Variants in PLEKHH2 observed in about 807,000 individuals in gnomAD.
PLEKHH2 encodes the protein pleckstrin homology domain-containing family H member 2.
A neutral mutation model predicts 187.9 loss-of-function variants in PLEKHH2; 129 were observed. The observed-to-expected ratio is 0.69, with a 90% CI of 0.59 to 0.79. The LOEUF (loss-of-function observed/expected upper bound fraction) is 0.79. PLEKHH2 is among the 30% of genes least tolerant of loss of function. PLEKHH2 has a pLI of 0.00. For missense variants in PLEKHH2, 2,076 were observed against 1,751.2 expected, an observed-to-expected ratio of 1.19 and a Z score of -3.31; for synonymous variants, 686 against 605.6, an observed-to-expected ratio of 1.13 and a Z score of -1.95.
intron 1 of PLEKHH2, among the ~76,000 whole-genome samples, chr2:43,640,321 C>T (rs1382912969): frequency 6.6e-6 from 1 of 151,790 alleles, no homozygotes; most frequent in Non-Finnish European, 1.5e-5. Flanking sequence ...TCCCGAGTAG[C>T]TGGGACCACA....
chr2:43,715,580 G>A (rs987302243), intron 15 of PLEKHH2, among the ~76,000 whole-genome samples: 3 of 152,200 alleles, frequency 2.0e-5, no homozygotes, highest in African/African-American at 7.2e-5. Flanking sequence ...CTCTGAAGGG[G>A]TTACAGGAAA....
chr2:43,741,069 C>G, intron 21 of PLEKHH2, 26 bp downstream of exon 21: 2 of 1,572,966 alleles, frequency 1.3e-6, no homozygotes, highest in Non-Finnish European at 1.7e-6. Context: ...GCCAGCTGAA[C>G]TGTTTATGTG....
At chr2:43,739,070 T>A (rs1227247612) in intron 20 of PLEKHH2, among the ~76,000 whole-genome samples, 1 of 152,164 alleles carries the variant, frequency 6.6e-6, no homozygotes, top group Non-Finnish European at 1.5e-5. Flanking sequence ...TTTGCATTTT[T>A]AGCAGAGATG....
chr2:43,709,954 T>G (rs116524206), intron 11 of PLEKHH2, 36 bp from the exon 12 acceptor site: 34,500 of 1,575,694 alleles, frequency 0.022, 467 homozygotes, highest in Non-Finnish European at 0.026. Flanking sequence ...TCCCCAGTAT[T>G]AAATACTGAC....
At chr2:43,682,499 G>A (rs894090760) in intron 3 of PLEKHH2, among the ~76,000 whole-genome samples, 2 of 152,042 alleles carry the variant, frequency 1.3e-5, no homozygotes, top group African/African-American at 2.4e-5. Context: ...GAGAGATGGG[G>A]TTTCACCATG....
At chr2:43,756,332 G>C (rs557099825) in intron 25 of PLEKHH2, among the ~76,000 whole-genome samples, 1 of 151,786 alleles carries the variant, frequency 6.6e-6, no homozygotes, top group Admixed American at 6.6e-5. Flanking sequence ...GTCTTGCTCT[G>C]TCACCCAGGC....
intron 19 of PLEKHH2, among the ~76,000 whole-genome samples, chr2:43,737,383 A>G (rs1572642441): frequency 1.3e-5 from 2 of 152,366 alleles, no homozygotes; most frequent in Middle Eastern, 3.4e-3. Flanking sequence ...GTGATGGTAG[A>G]TAAGGACATT....
At chr2:43,754,203 C>CAA (rs1472842755) in intron 25 of PLEKHH2, among the ~76,000 whole-genome samples, 6 of 142,738 alleles carry the variant, frequency 4.2e-5, no homozygotes, top group African/African-American at 1.7e-4. Flanking sequence ...CACACACACA[C>CAA]ACAAAATTAA....
chr2:43,645,474 C>T (rs1476916081), intron 2 of PLEKHH2, among the ~76,000 whole-genome samples: 1 of 152,080 alleles, frequency 6.6e-6, no homozygotes, highest in African/African-American at 2.4e-5. Flanking sequence ...AACTTGAATT[C>T]TAGACCTCTG....
intron 20 of PLEKHH2, 188 bp from the exon 21 acceptor site, chr2:43,740,758 T>G: frequency 9.3e-7 from 1 of 1,077,978 alleles, no homozygotes; most frequent in Non-Finnish European, 1.2e-6. Context: ...AGATGGATCA[T>G]AGATCTGACC....
At chr2:43,673,646 T>C (rs539792249) in intron 2 of PLEKHH2, among the ~76,000 whole-genome samples, 1 of 152,348 alleles carries the variant, frequency 6.6e-6, no homozygotes, top group African/African-American at 2.4e-5. Flanking sequence ...TAACTATTCA[T>C]TGAACACCTG....
At chr2:43,639,955 C>A (rs374151758) in intron 1 of PLEKHH2, among the ~76,000 whole-genome samples, 2 of 152,132 alleles carry the variant, frequency 1.3e-5, no homozygotes, top group Non-Finnish European at 1.5e-5. Flanking sequence ...CTGCACCCAG[C>A]CAGATCTACT....
chr2:43,743,147 T>A (rs1671646197), intron 22 of PLEKHH2, among the ~76,000 whole-genome samples: 1 of 152,244 alleles, frequency 6.6e-6, no homozygotes, highest in Non-Finnish European at 1.5e-5. Context: ...TCACTGCCAT[T>A]ATGATTCTGA....
intron 4 of PLEKHH2, among the ~76,000 whole-genome samples, chr2:43,693,443 T>A (rs1159495541): frequency 6.6e-6 from 1 of 152,094 alleles, no homozygotes; most frequent in Non-Finnish European, 1.5e-5. Context: ...AGTAATCTAG[T>A]TTAAAAAATG....
At chr2:43,747,208 A>G (rs1310263250) in intron 24 of PLEKHH2, among the ~76,000 whole-genome samples, 2 of 151,712 alleles carry the variant, frequency 1.3e-5, no homozygotes, top group African/African-American at 4.8e-5. Context: ...ATAAATACAG[A>G]CAGACCCAGT....
rs542075735 is a variant in PLEKHH2, at chr2:43,756,213, CA to C, written c.3796-903del. Among the ~76,000 whole-genome samples the C allele has an allele frequency of 2.7e-3, 410 of 152,024 alleles. 1 individual carries two copies. Among genetic ancestry groups the C allele is most frequent in the African/African-American group, 9.5e-3 (392 of 41,330 alleles). ...CAATAACATGGAGAAAATCTAGGAACAAAGTAATGAGAATATGGTTCTTGCT... is the reference window on the plus strand; with the variant it reads ...CAATAACATGGAGAAAATCTAGGAACAAGTAATGAGAATATGGTTCTTGCT... On this transcript the variant is annotated intron_variant, in intron 25 of 29. Transcript: ENST00000282406.
intron 1 of PLEKHH2, among the ~76,000 whole-genome samples, chr2:43,644,294 T>C (rs1383110249): frequency 6.6e-6 from 1 of 152,148 alleles, no homozygotes. Flanking sequence ...TCTGTGTTTG[T>C]GTGGTGTTGT....
At chr2:43,683,701 C>G (rs1030404680) in intron 3 of PLEKHH2, among the ~76,000 whole-genome samples, 6 of 151,848 alleles carry the variant, frequency 4.0e-5, no homozygotes, top group African/African-American at 1.5e-4. Context: ...TTTGACTTTT[C>G]TTTCTCTTTT....
chr2:43,745,991 A>T, intron 24 of PLEKHH2, 28 bp downstream of exon 24: 1 of 1,449,128 alleles, frequency 6.9e-7, no homozygotes, highest in Non-Finnish European at 9.6e-7. Context: ...CAGATGCCAA[A>T]GTATGAGTAT....
Sources: gnomAD v4.1 joint callset for allele counts (sites outside exome capture counted in the v4.1 genomes callset) on GRCh38, gnomAD v4.1.1 for gene constraint, MANE v1.5 for transcripts, NCBI Gene and HGNC (gene_info 2026-07-23, HGNC 2026-07-21) for gene names.